The following FRMPD2 variants were observed in gnomAD, a reference collection of about 807,000 sequenced individuals.
The protein encoded by FRMPD2 is FERM and PDZ domain containing 2, also known as FERM and PDZ domain-containing protein 2.
Under a neutral mutation model 140.1 loss-of-function variants are expected in FRMPD2, and 96 were observed. That is an observed-to-expected ratio of 0.69 (90% CI 0.58 to 0.81). FRMPD2 has a LOEUF of 0.81. Among genes scored for constraint, FRMPD2 ranks in the 40% least tolerant of loss-of-function variants. FRMPD2 has a pLI of 0.00. For missense variants in FRMPD2, 1,240 were observed against 1,447.4 expected, an observed-to-expected ratio of 0.86 and a Z score of 2.32; for synonymous variants, 449 against 547.6, an observed-to-expected ratio of 0.82 and a Z score of 2.52.
rs775408314 is a variant in FRMPD2, at chr10:48,223,203, C to G, written c.1236G>C (p.Glu412Asp). ...LCKIAPEGWR[E>D]QPQKTSMNTF... is the part of the protein sequence containing the mutation. Reference sequence around the variant, plus strand: ...TATTCATGGAGGTCTTCTGAGGCTGCTCTCTCCAGCCTTCAGGAGCTATTT... The same window carrying G: ...TATTCATGGAGGTCTTCTGAGGCTGGTCTCTCCAGCCTTCAGGAGCTATTT... Residue 412 changes from glutamate to aspartate, a missense_variant, in exon 11 of 29, where the codon GAG (glutamate) becomes GAC (aspartate). Glu to Asp is a conservative substitution (Grantham distance 45). This residue lies in a region of FRMPD2 where 1,161 missense variants were observed against 1,055.9 expected (regional missense o/e 1.10). Coordinates refer to ENST00000374201, the MANE Select transcript of FRMPD2 (RefSeq NM_001018071.4). 4 of 1,613,538 alleles carry G rather than the reference C, an allele frequency of 2.5e-6. No homozygotes were observed. The African/African-American group carries it at 5.3e-5, about 22-fold the overall frequency.
Position 48,251,590 on chromosome 10 carries a change from G to A in FRMPD2, c.127C>T (p.Gln43Ter), listed in dbSNP as rs1340794570. The change falls in exon 2 of 29, where the codon CAG becomes TAG. Residue 43 changes from glutamine (Q) to a stop codon, truncating the protein, a stop_gained. Transcript: ENST00000374201. LOFTEE classifies it high-confidence loss of function. ...IWSLLFLAAE[Q>*]LLEDLRNDSS... is the part of the protein sequence containing the mutation. ...CCGTTGCGGAGGTCTTCCAGGAGCT[G>A]CTCAGCGGCCAGGAACAGGAGGGAC... is the stretch of plus-strand genomic sequence containing the variant. The A allele has an allele frequency of 1.2e-6, 2 of 1,614,238 alleles. No homozygotes were observed. Among genetic ancestry groups the A allele is most frequent in the South Asian group, 2.2e-5 (2 of 91,090 alleles).
rs1839086334 is a variant in FRMPD2 at position 48,201,484 on chromosome 10, G to A, written c.1798-100C>T. The A allele has an allele frequency of 1.0e-5, 11 of 1,049,590 alleles. No individual in the cohort carries two copies. The South Asian group carries it at 1.3e-4, about 12-fold the overall frequency. 65.0% of individuals were successfully genotyped at this position (1,049,590 alleles called of 1,614,324 possible). A position where few individuals can be genotyped will look rare whatever the true frequency, so the allele number is the denominator to read the frequency against. On this transcript the variant is annotated intron_variant, in intron 14 of 28. Transcript: ENST00000374201. ...GCTCGGTCCCTTGGTTCCACACCCT[G>A]TAGCAGGCATCCACGGGTGCATGGC...
At chr10:48,237,870 A>C (rs1396933524) in intron 8 of FRMPD2, 121 bp downstream of exon 8, 8 of 1,207,616 alleles carry the variant, frequency 6.6e-6, no homozygotes, top group African/African-American at 1.5e-5. Flanking sequence ...AATCCTATAA[A>C]CCTCAGCCCA....
chr10:48,213,025 G>A (rs984885608), intron 12 of FRMPD2, among the ~76,000 whole-genome samples: 1 of 152,196 alleles, frequency 6.6e-6, no homozygotes, highest in African/African-American at 2.4e-5. Context: ...CTCCAGTTGA[G>A]GGCAGTTACT....
intron 1 of FRMPD2, among the ~76,000 whole-genome samples, chr10:48,259,524 G>C (rs183877586): frequency 6.6e-5 from 10 of 152,204 alleles, no homozygotes; most frequent in Non-Finnish European, 1.2e-4. Context: ...CTAGTGACTT[G>C]TATATAAGAA....
intron 10 of FRMPD2, among the ~76,000 whole-genome samples, chr10:48,224,754 A>T (rs1839685487): frequency 1.3e-5 from 2 of 152,010 alleles, no homozygotes; most frequent in Admixed American, 1.3e-4. Context: ...CAGGATGGCC[A>T]CCTGATTGGG....
At chr10:48,240,024 C>A (rs1055368822) in intron 6 of FRMPD2, among the ~76,000 whole-genome samples, 5 of 152,110 alleles carry the variant, frequency 3.3e-5, no homozygotes, top group Admixed American at 3.3e-4. Flanking sequence ...AAAAACCACT[C>A]TTTTAACACA....
At chr10:48,261,701 T>G (rs576133213) in intron 1 of FRMPD2, among the ~76,000 whole-genome samples, 5 of 152,290 alleles carry the variant, frequency 3.3e-5, no homozygotes, top group African/African-American at 1.2e-4. Flanking sequence ...ACTCAGATCT[T>G]AAGCCATTTA....
At chr10:48,184,421 C>T in intron 20 of FRMPD2, 145 bp downstream of exon 20, 1 of 593,768 alleles carries the variant, frequency 1.7e-6, no homozygotes, top group Non-Finnish European at 3.0e-6. Flanking sequence ...ATTTGTGCCA[C>T]TACACTGCTT....
At chr10:48,253,503 G>T (rs1840431374) in intron 1 of FRMPD2, among the ~76,000 whole-genome samples, 1 of 152,092 alleles carries the variant, frequency 6.6e-6, no homozygotes, top group Admixed American at 6.5e-5. Flanking sequence ...AACACTTAAT[G>T]CATTTTTTTC....
chr10:48,261,321 A>T (rs1416429371), intron 1 of FRMPD2, among the ~76,000 whole-genome samples: 1 of 152,152 alleles, frequency 6.6e-6, no homozygotes. Flanking sequence ...TAAATAAAAA[A>T]AACACATGTA....
Position 48,242,283 on chromosome 10 carries a change from A to C in FRMPD2, c.445T>G (p.Cys149Gly), listed in dbSNP as rs1451912352. The C allele has an allele frequency of 5.6e-6, 9 of 1,614,154 alleles. No individual in the cohort carries two copies. The highest frequency in any genetic ancestry group is 1.3e-5 in the African/African-American group (1 of 75,052). Reference protein sequence around the residue: ...TMCEDQPHRRCTLQSVLEACR... With the variant: ...TMCEDQPHRRGTLQSVLEACR... The stretch of plus-strand genomic sequence containing the variant: ...GCTTCCAGAACCGACTGCAACGTGC[A>C]CCGCCTGTGAGGCTGGTCTTCACAC... Residue 149 changes from cysteine (C) to glycine (G), a missense_variant, in exon 5 of 29, where the codon TGC becomes GGC. By Grantham distance (159) the Cys-to-Gly change is radical (BLOSUM62 -3). Around this residue, in one of 6 missense-constraint regions of FRMPD2, gnomAD observed 1,161 missense variants for 1,055.9 expected, o/e 1.10. Transcript: ENST00000374201.
intron 12 of FRMPD2, among the ~76,000 whole-genome samples, chr10:48,218,554 C>G (rs184184035): frequency 6.6e-6 from 1 of 152,260 alleles, no homozygotes; most frequent in Non-Finnish European, 1.5e-5. Flanking sequence ...GGGTTAGACT[C>G]AAGTCTAACC....
chr10:48,237,976 C>G lies in FRMPD2; in HGVS notation c.921+15G>C, dbSNP rs1030857956. 1.2e-6 allele frequency: 2 copies of G among 1,614,128 alleles called. No homozygotes were observed. The highest frequency in any genetic ancestry group is 1.1e-5 in the South Asian group (1 of 91,072). On this transcript the variant is annotated intron_variant, in intron 8 of 28. Coordinates refer to ENST00000374201, the MANE Select transcript of FRMPD2 (RefSeq NM_001018071.4). ...AGCCTCCTTGAGGAGTGTCCTTCAGCCTTATTTTGCTTACCTTGCTCCTTC... is the reference window on the plus strand; with the variant it reads ...AGCCTCCTTGAGGAGTGTCCTTCAGGCTTATTTTGCTTACCTTGCTCCTTC...
chr10:48,216,747 T>A (rs1839460468), intron 12 of FRMPD2, among the ~76,000 whole-genome samples: 1 of 152,082 alleles, frequency 6.6e-6, no homozygotes, highest in African/African-American at 2.4e-5. Flanking sequence ...ATTTTGCAGA[T>A]GAAAAAGCCA....
At chr10:48,159,664 G>A (rs1837881222) in intron 28 of FRMPD2, among the ~76,000 whole-genome samples, 1 of 151,706 alleles carries the variant, frequency 6.6e-6, no homozygotes, top group Non-Finnish European at 1.5e-5. Flanking sequence ...ATTTCCAGGA[G>A]TCCTGCTTTA....
intron 1 of FRMPD2, among the ~76,000 whole-genome samples, chr10:48,267,885 C>A (rs1840705576): frequency 6.6e-6 from 1 of 152,128 alleles, no homozygotes; most frequent in African/African-American, 2.4e-5. Flanking sequence ...GTGAAAGAAG[C>A]CAGATGTAAA....
chr10:48,253,954 T>C (rs753256888), intron 1 of FRMPD2, among the ~76,000 whole-genome samples: 8 of 152,182 alleles, frequency 5.3e-5, no homozygotes, highest in Non-Finnish European at 8.8e-5. Context: ...CACTAGAGGC[T>C]TGAAGTTGCT....
intron 15 of FRMPD2, among the ~76,000 whole-genome samples, chr10:48,200,151 TATAAATAA>T (rs201958134): frequency 0.036 from 4,923 of 135,532 alleles, 186 homozygotes; most frequent in African/African-American, 0.092. Flanking sequence ...AGCTAAAAAA[TATAAATAA>T]ATAAATAAAT....
Sources: gnomAD v4.1 joint callset for allele counts (sites outside exome capture counted in the v4.1 genomes callset) on GRCh38, gnomAD v4.1.1 for gene constraint, gnomAD v4.1.1 regional missense constraint, MANE v1.5 for transcripts, NCBI Gene and HGNC (gene_info 2026-07-23, HGNC 2026-07-21) for gene names.